Variants in OTUD7A observed in about 807,000 individuals in gnomAD.
OTUD7A encodes the protein OTU domain-containing protein 7A.
OTUD7A carries 12 observed loss-of-function variants against 65.7 expected under a neutral mutation model. The observed-to-expected ratio is 0.18, with a 90% CI of 0.12 to 0.30. The LOEUF (loss-of-function observed/expected upper bound fraction) is 0.30. Among genes scored for constraint, OTUD7A ranks in the 10% least tolerant of loss-of-function variants. The pLI is 1.00. For synonymous variants in OTUD7A, 641 were observed against 586.3 expected (o/e 1.09, Z -1.35); for missense variants, 1,148 against 1,304.8 (o/e 0.88, Z 1.85).
At chr15:31,613,186 A>C (rs889427833) in intron 3 of OTUD7A, among the ~76,000 whole-genome samples, 4 of 152,216 alleles carry the variant, frequency 2.6e-5, no homozygotes, top group African/African-American at 9.6e-5. Context: ...TGAAACTATA[A>C]AAATTCTAGA....
chr15:31,860,646 T>TATATATATATATATATAG (rs1567059806), intron 1 of OTUD7A, among the ~76,000 whole-genome samples: 1 of 113,896 alleles, frequency 8.8e-6, no homozygotes, highest in African/African-American at 3.1e-5. Flanking sequence ...TATATATATG[T>TATATATATATATATATAG]ATGTATGTGT....
intron 7 of OTUD7A, 40 bp downstream of exon 7, chr15:31,527,141 G>A (rs768347767): frequency 2.5e-6 from 4 of 1,612,240 alleles, no homozygotes; most frequent in Non-Finnish European, 3.4e-6. Context: ...GCTGCATCTG[G>A]CCTGGGTCCC....
intron 1 of OTUD7A, among the ~76,000 whole-genome samples, chr15:31,793,563 T>A (rs1460876146): frequency 6.6e-6 from 1 of 152,240 alleles, no homozygotes; most frequent in African/African-American, 2.4e-5. Context: ...TTCTCCGTCA[T>A]CCTTAAATTA....
chr15:31,661,150 T>A (rs567340573), intron 1 of OTUD7A, among the ~76,000 whole-genome samples: 1 of 152,232 alleles, frequency 6.6e-6, no homozygotes, highest in Non-Finnish European at 1.5e-5. Flanking sequence ...ACTCACTTAT[T>A]ATACTTTTTC....
intron 5 of OTUD7A, among the ~76,000 whole-genome samples, chr15:31,533,153 C>T (rs1175417345): frequency 1.3e-5 from 2 of 151,948 alleles, no homozygotes; most frequent in East Asian, 1.9e-4. Context: ...AGAAACAACG[C>T]CTTACTTATA....
chr15:31,779,757 T>C (rs1373063248), intron 1 of OTUD7A, among the ~76,000 whole-genome samples: 2 of 152,006 alleles, frequency 1.3e-5, no homozygotes, highest in East Asian at 3.9e-4. Context: ...TTTGGAGCCC[T>C]AGGGGTGGAT....
chr15:31,641,578 A>C (rs1025490277), intron 3 of OTUD7A, among the ~76,000 whole-genome samples: 1 of 152,222 alleles, frequency 6.6e-6, no homozygotes, highest in African/African-American at 2.4e-5. Context: ...TGGATATGGT[A>C]CATTTAACCC....
At chr15:31,817,277 C>G (rs535054901) in intron 1 of OTUD7A, among the ~76,000 whole-genome samples, 1 of 145,110 alleles carries the variant, frequency 6.9e-6, no homozygotes. Flanking sequence ...GATCATTTGC[C>G]CCCCCCCATC....
chr15:31,688,559 G>T (rs1892893922), intron 1 of OTUD7A, among the ~76,000 whole-genome samples: 1 of 151,894 alleles, frequency 6.6e-6, no homozygotes, highest in African/African-American at 2.4e-5. Context: ...AATATTTGGG[G>T]GACAATCAGG....
chr15:31,610,615 A>ATTTTTTTTTTTTTTTTTT (rs1336235314), intron 3 of OTUD7A, among the ~76,000 whole-genome samples: 3 of 32,826 alleles, frequency 9.1e-5, no homozygotes, highest in Non-Finnish European at 9.9e-5. Context: ...ATATATATAT[A>ATTTTTTTTTTTTTTTTTT]TATTTTTTTT....
intron 2 of OTUD7A, among the ~76,000 whole-genome samples, chr15:31,656,003 T>G (rs969578545): frequency 6.6e-6 from 1 of 152,180 alleles, no homozygotes; most frequent in African/African-American, 2.4e-5. Flanking sequence ...GAAAGACTAA[T>G]AGCCAAGGTT....
At chr15:31,778,867 T>C (rs1462736065) in intron 1 of OTUD7A, among the ~76,000 whole-genome samples, 1 of 152,182 alleles carries the variant, frequency 6.6e-6, no homozygotes, top group African/African-American at 2.4e-5. Flanking sequence ...CTATTCCGTT[T>C]AATGATTTAA....
At chr15:31,618,235 A>G (rs1890657091) in intron 3 of OTUD7A, among the ~76,000 whole-genome samples, 1 of 152,170 alleles carries the variant, frequency 6.6e-6, no homozygotes, top group Non-Finnish European at 1.5e-5. Context: ...GCCTCAATAA[A>G]CATACATGTG....
chr15:31,668,253 A>G (rs1206906963), intron 1 of OTUD7A, among the ~76,000 whole-genome samples: 2 of 152,304 alleles, frequency 1.3e-5, no homozygotes, highest in East Asian at 3.9e-4. Context: ...CCAAGCTTTT[A>G]GAAATCTCTT....
chr15:31,632,932 G>A (rs1254222492), intron 3 of OTUD7A, among the ~76,000 whole-genome samples: 1 of 152,234 alleles, frequency 6.6e-6, no homozygotes, highest in Non-Finnish European at 1.5e-5. Context: ...CCAGATGCGG[G>A]ATATAATCTC....
At chr15:31,669,463 C>T (rs1428569057) in intron 1 of OTUD7A, among the ~76,000 whole-genome samples, 1 of 152,192 alleles carries the variant, frequency 6.6e-6, no homozygotes, top group Non-Finnish European at 1.5e-5. Flanking sequence ...CACCCAGCTG[C>T]CATGCAGTCC....
At chr15:31,549,060 C>T (rs566312780) in intron 5 of OTUD7A, among the ~76,000 whole-genome samples, 18 of 150,608 alleles carry the variant, frequency 1.2e-4, no homozygotes, top group South Asian at 2.1e-4. Context: ...CGCTTGAACC[C>T]GGGAGACACA....
intron 1 of OTUD7A, among the ~76,000 whole-genome samples, chr15:31,772,177 G>A (rs1895254407): frequency 6.7e-6 from 1 of 149,698 alleles, no homozygotes; most frequent in Non-Finnish European, 1.5e-5. Context: ...GCGTGAACCC[G>A]GGAGGCGGAG....
intron 1 of OTUD7A, among the ~76,000 whole-genome samples, chr15:31,779,244 C>A (rs1172328854): frequency 6.6e-6 from 1 of 152,288 alleles, no homozygotes; most frequent in South Asian, 2.1e-4. Flanking sequence ...GGCACTATCA[C>A]CCAAAACAAA....
Sources: allele counts gnomAD v4.1 joint callset (sites outside exome capture counted in the v4.1 genomes callset), GRCh38; gene constraint gnomAD v4.1.1; transcripts MANE v1.5; gene names NCBI Gene and HGNC (gene_info 2026-07-23, HGNC 2026-07-21).